PRKG1: variants seen among roughly 807,000 people sequenced by gnomAD.
PRKG1 encodes the protein cGMP-dependent protein kinase 1.
Under a neutral mutation model 88.1 loss-of-function variants are expected in PRKG1, and 35 were observed. The observed-to-expected ratio is 0.40, with a 90% CI of 0.30 to 0.53. The LOEUF (loss-of-function observed/expected upper bound fraction) is 0.53, where lower values mean the gene tolerates loss of function less well. Among genes scored for constraint, PRKG1 ranks in the 20% least tolerant of loss-of-function variants. PRKG1 has a pLI of 0.59. For missense variants in PRKG1, 540 were observed against 839.8 expected, an observed-to-expected ratio of 0.64 and a Z score of 4.41; for synonymous variants, 303 against 292.5, an observed-to-expected ratio of 1.04 and a Z score of -0.37.
chr10:52,271,587 A>C, intron 11 of PRKG1, 98 bp downstream of exon 11: 1 of 1,275,936 alleles, frequency 7.8e-7, no homozygotes, highest in Non-Finnish European at 1.0e-6. Context: ...CACATTTCGT[A>C]TGCACAAAGA....
chr10:51,386,754 G>A (rs886757956), intron 2 of PRKG1, among the ~76,000 whole-genome samples: 5 of 152,074 alleles, frequency 3.3e-5, no homozygotes, highest in Non-Finnish European at 7.4e-5. Context: ...CAGTCAAGTT[G>A]ACACATAAAA....
chr10:51,514,365 T>C (rs1011065511), intron 3 of PRKG1, among the ~76,000 whole-genome samples: 4 of 152,188 alleles, frequency 2.6e-5, no homozygotes, highest in Admixed American at 6.5e-5. Flanking sequence ...TACTTAAATG[T>C]GTACCCTTTG....
chr10:52,297,894 G>C lies in PRKG1; in HGVS notation c.*3994G>C, dbSNP rs995367057. ...GTTCTTGTATATGCAAATCATTTACGAGGCAAGTTTTCAACAGACCTAGAA... is the reference window on the plus strand; with the variant it reads ...GTTCTTGTATATGCAAATCATTTACCAGGCAAGTTTTCAACAGACCTAGAA... On this transcript the variant is annotated 3_prime_UTR_variant, in exon 18 of 18. Coordinates refer to ENST00000373980, the MANE Select transcript of PRKG1 (RefSeq NM_006258.4). 4 of 152,082 alleles carry C rather than the reference G, an allele frequency of 2.6e-5. No individual in the cohort carries two copies. Among genetic ancestry groups the C allele is most frequent in the African/African-American group, 9.7e-5 (4 of 41,406 alleles). 9.4% of individuals were successfully genotyped at this position (152,082 alleles called of 1,614,324 possible).
At chr10:51,153,404 A>G (rs1261701689) in intron 2 of PRKG1, 74 bp downstream of exon 2, 3 of 1,334,816 alleles carry the variant, frequency 2.2e-6, no homozygotes, top group Non-Finnish European at 3.0e-6. Flanking sequence ...ACAGATGGCA[A>G]TGCATTACAT....
chr10:51,545,872 A>T (rs1463927471), intron 3 of PRKG1, among the ~76,000 whole-genome samples: 1 of 151,980 alleles, frequency 6.6e-6, no homozygotes, highest in East Asian at 1.9e-4. Flanking sequence ...TCAATATGAG[A>T]GTCCCTTCCC....
chr10:52,083,486 C>A (rs994107733), intron 7 of PRKG1, among the ~76,000 whole-genome samples: 7 of 152,024 alleles, frequency 4.6e-5, no homozygotes, highest in African/African-American at 1.7e-4. Flanking sequence ...AGAACAGGAC[C>A]GGAACATAAT....
At chr10:51,163,266 T>C (rs745450143) in intron 2 of PRKG1, among the ~76,000 whole-genome samples, 21 of 152,250 alleles carry the variant, frequency 1.4e-4, no homozygotes, top group Non-Finnish European at 2.9e-5. Flanking sequence ...AGTTACTCTG[T>C]ACACTGTTCA....
At chr10:51,191,558 G>T (rs1458952531) in intron 2 of PRKG1, among the ~76,000 whole-genome samples, 1 of 151,796 alleles carries the variant, frequency 6.6e-6, no homozygotes, top group Non-Finnish European at 1.5e-5. Context: ...ATATGGTGAT[G>T]ATTATTATTA....
At chr10:51,557,049 A>G (rs1175994730) in intron 3 of PRKG1, among the ~76,000 whole-genome samples, 1 of 151,716 alleles carries the variant, frequency 6.6e-6, no homozygotes, top group Non-Finnish European at 1.5e-5. Flanking sequence ...AGATGATACC[A>G]CCCGCTTCTC....
At chr10:52,004,354 C>T (rs1589507182) in intron 5 of PRKG1, among the ~76,000 whole-genome samples, 1 of 152,134 alleles carries the variant, frequency 6.6e-6, no homozygotes, top group Non-Finnish European at 1.5e-5. Context: ...ATGTCAACTG[C>T]ATGTTGATAA....
intron 3 of PRKG1, among the ~76,000 whole-genome samples, chr10:51,719,795 C>T (rs981903254): frequency 1.3e-5 from 2 of 152,146 alleles, no homozygotes; most frequent in African/African-American, 2.4e-5. Context: ...TTCTGTAAAT[C>T]TAAAATTATC....
chr10:51,507,469 C>G (rs1333325145), intron 3 of PRKG1, among the ~76,000 whole-genome samples: 1 of 151,940 alleles, frequency 6.6e-6, no homozygotes, highest in Non-Finnish European at 1.5e-5. Flanking sequence ...GTGTATAACT[C>G]AATAATCTTA....
At chr10:51,232,398 T>C (rs951868188) in intron 2 of PRKG1, among the ~76,000 whole-genome samples, 2 of 152,206 alleles carry the variant, frequency 1.3e-5, no homozygotes, top group East Asian at 3.8e-4. Context: ...AGCAGCTGTT[T>C]GCCAGGTATG....
chr10:51,538,300 C>T (rs1842210290), intron 3 of PRKG1, among the ~76,000 whole-genome samples: 1 of 104,662 alleles, frequency 9.6e-6, no homozygotes, highest in Non-Finnish European at 2.3e-5. Context: ...TTATGTAATG[C>T]AATTCGCTGA....
chr10:51,108,279 G>A (rs901449177), intron 1 of PRKG1, among the ~76,000 whole-genome samples: 2 of 151,792 alleles, frequency 1.3e-5, no homozygotes, highest in African/African-American at 4.8e-5. Flanking sequence ...ATATGAGAAA[G>A]AGAAGGGAAT....
chr10:51,940,240 T>C (rs1842878175), intron 5 of PRKG1, among the ~76,000 whole-genome samples: 1 of 151,878 alleles, frequency 6.6e-6, no homozygotes, highest in South Asian at 2.1e-4. Flanking sequence ...GACTCTGTCT[T>C]ATTTATTTCA....
intron 2 of PRKG1, among the ~76,000 whole-genome samples, chr10:51,293,761 A>T (rs1445139148): frequency 6.6e-6 from 1 of 152,134 alleles, no homozygotes; most frequent in African/African-American, 2.4e-5. Context: ...GCTGAATCAT[A>T]GTTCTGTTTT....
chr10:51,086,818 G>A (rs1278093137), intron 1 of PRKG1, among the ~76,000 whole-genome samples: 2 of 152,098 alleles, frequency 1.3e-5, no homozygotes, highest in Non-Finnish European at 2.9e-5. Flanking sequence ...TTATCTTTTG[G>A]TGCAGTCACT....
chr10:51,572,342 A>C (rs7071556), intron 3 of PRKG1, among the ~76,000 whole-genome samples: 11,193 of 151,880 alleles, frequency 0.074, 1,383 homozygotes, highest in African/African-American at 0.25. Flanking sequence ...AATGAAAGGA[A>C]ATCAGTTTAA....
Sources: allele counts gnomAD v4.1 joint callset (sites outside exome capture counted in the v4.1 genomes callset), GRCh38; gene constraint gnomAD v4.1.1; transcripts MANE v1.5; gene names NCBI Gene and HGNC (gene_info 2026-07-23, HGNC 2026-07-21).